Variants in ASTN2 observed in about 807,000 individuals in gnomAD.
ASTN2 encodes astrotactin-2.
In ASTN2, 54 loss-of-function variants were observed where a neutral mutation model predicts 139.8. The observed-to-expected ratio is 0.39, with a 90% CI of 0.31 to 0.48. The LOEUF (loss-of-function observed/expected upper bound fraction) is 0.48. ASTN2 is among the 20% of genes least tolerant of loss of function. The pLI, the probability that ASTN2 is intolerant of heterozygous loss-of-function variation, is 0.95. For missense variants in ASTN2, 1,565 were observed against 1,725.1 expected, an observed-to-expected ratio of 0.91 and a Z score of 1.64; for synonymous variants, 756 against 719.5, an observed-to-expected ratio of 1.05 and a Z score of -0.81.
At chr9:117,221,576 G>A (rs1029083717) in intron 2 of ASTN2, among the ~76,000 whole-genome samples, 13 of 152,146 alleles carry the variant, frequency 8.5e-5, no homozygotes, top group Non-Finnish European at 1.9e-4. Context: ...AAGAACACAG[G>A]CCTTTAATCC....
chr9:116,718,972 G>GTGTGTGTGTGTATATATATATATATATA (rs56991546), intron 16 of ASTN2, among the ~76,000 whole-genome samples: 13 of 100,044 alleles, frequency 1.3e-4, no homozygotes, highest in African/African-American at 5.0e-4. Context: ...ACCTGTATCT[G>GTGTGTGTGTGTATATATATATATATATA]TACATATATA....
intron 6 of ASTN2, among the ~76,000 whole-genome samples, chr9:117,032,478 G>A (rs776807162): frequency 1.3e-5 from 2 of 152,176 alleles, no homozygotes; most frequent in African/African-American, 4.8e-5. Context: ...TGATTTCATA[G>A]AGCAGGATGT....
chr9:116,474,277 T>A (rs1390157464), intron 20 of ASTN2, among the ~76,000 whole-genome samples: 1 of 152,212 alleles, frequency 6.6e-6, no homozygotes, highest in Non-Finnish European at 1.5e-5. Flanking sequence ...CTGCTCTGCC[T>A]GTCTGGGTGA....
intron 5 of ASTN2, among the ~76,000 whole-genome samples, chr9:117,082,629 C>G (rs1828458022): frequency 1.3e-5 from 2 of 152,146 alleles, no homozygotes; most frequent in South Asian, 4.1e-4. Context: ...TGGTGAAACC[C>G]CATCCCTACT....
chr9:117,121,220 A>G (rs1474514323), intron 4 of ASTN2, among the ~76,000 whole-genome samples: 2 of 152,222 alleles, frequency 1.3e-5, no homozygotes, highest in African/African-American at 4.8e-5. Flanking sequence ...AGAGTATCAC[A>G]TTGGTCTATT....
chr9:116,638,262 A>T (rs1310183130), intron 17 of ASTN2, among the ~76,000 whole-genome samples: 1 of 152,188 alleles, frequency 6.6e-6, no homozygotes, highest in Non-Finnish European at 1.5e-5. Flanking sequence ...ACCAGCACAA[A>T]ACTAAACATG....
intron 20 of ASTN2, among the ~76,000 whole-genome samples, chr9:116,483,082 G>A (rs1176389799): frequency 6.6e-6 from 1 of 152,220 alleles, no homozygotes; most frequent in Non-Finnish European, 1.5e-5. Flanking sequence ...CAGGGACCAT[G>A]GATGCCCAGC....
chr9:117,291,240 G>A (rs1023190779), intron 2 of ASTN2, 86 bp downstream of exon 2: 1 of 1,505,962 alleles, frequency 6.6e-7, no homozygotes, highest in African/African-American at 1.4e-5. Flanking sequence ...CCTTCCATCT[G>A]TGGACAATCC....
intron 2 of ASTN2, among the ~76,000 whole-genome samples, chr9:117,243,350 T>C (rs1833271876): frequency 6.6e-6 from 1 of 152,248 alleles, no homozygotes; most frequent in Non-Finnish European, 1.5e-5. Flanking sequence ...AAACTGAGTA[T>C]CAAACAGGTT....
chr9:117,002,112 C>T (rs555015860), intron 7 of ASTN2, among the ~76,000 whole-genome samples: 28 of 152,264 alleles, frequency 1.8e-4, no homozygotes, highest in South Asian at 1.7e-3. Flanking sequence ...CCTTGAGTGA[C>T]TTAGAGCAAG....
At chr9:116,458,019 TA>T (rs954316127) in intron 20 of ASTN2, among the ~76,000 whole-genome samples, 2 of 151,266 alleles carry the variant, frequency 1.3e-5, no homozygotes, top group Non-Finnish European at 3.0e-5. Flanking sequence ...ATTCAGCCAT[TA>T]AAAAAAATGA....
chr9:116,551,809 T>C (rs1441489591), intron 19 of ASTN2, among the ~76,000 whole-genome samples: 1 of 152,056 alleles, frequency 6.6e-6, no homozygotes, highest in Non-Finnish European at 1.5e-5. Context: ...GAAAAGACAG[T>C]ATGAGAGGGT....
At chr9:116,563,373 T>A (rs911292096) in intron 19 of ASTN2, among the ~76,000 whole-genome samples, 1 of 131,252 alleles carries the variant, frequency 7.6e-6, no homozygotes, top group East Asian at 2.2e-4. Flanking sequence ...AGACTCTGTC[T>A]CAAAAAAATA....
chr9:116,884,915 A>G (rs551411499), intron 10 of ASTN2, among the ~76,000 whole-genome samples: 21 of 149,426 alleles, frequency 1.4e-4, no homozygotes, highest in African/African-American at 4.9e-4. Flanking sequence ...TCCTGGGTTC[A>G]TGCCATTCTC....
At chr9:116,531,070 T>C (rs910468208) in intron 19 of ASTN2, among the ~76,000 whole-genome samples, 1 of 152,222 alleles carries the variant, frequency 6.6e-6, no homozygotes, top group African/African-American at 2.4e-5. Flanking sequence ...TATGTATTAA[T>C]GTAAGCTGAG....
At chr9:117,209,129 G>A (rs1320357454) in intron 3 of ASTN2, among the ~76,000 whole-genome samples, 3 of 152,028 alleles carry the variant, frequency 2.0e-5, no homozygotes, top group Non-Finnish European at 4.4e-5. Context: ...AATAATAAGA[G>A]AGAAAGTAAG....
chr9:116,632,252 G>GGAAGGAAAGAAAGAAAGAAAGAAA (rs1554723352), intron 17 of ASTN2, among the ~76,000 whole-genome samples: 10 of 70,924 alleles, frequency 1.4e-4, no homozygotes, highest in Middle Eastern at 6.6e-3. Flanking sequence ...AAAGAAAGAA[G>GGAAGGAAAGAAAGAAAGAAAGAAA]GAAAGAAAGA....
intron 13 of ASTN2, among the ~76,000 whole-genome samples, chr9:116,751,423 T>C (rs1829399311): frequency 6.6e-6 from 1 of 152,180 alleles, no homozygotes; most frequent in African/African-American, 2.4e-5. Context: ...AGTCTCCTGA[T>C]ATGTAATGGG....
chr9:117,353,084 A>G (rs900737026), intron 1 of ASTN2, among the ~76,000 whole-genome samples: 2 of 152,210 alleles, frequency 1.3e-5, no homozygotes, highest in Admixed American at 1.3e-4. Context: ...TGTTGGAAAT[A>G]CATGGTGTTG....
Sources: gnomAD v4.1 joint callset for allele counts (sites outside exome capture counted in the v4.1 genomes callset) on GRCh38, gnomAD v4.1.1 for gene constraint, MANE v1.5 for transcripts, NCBI Gene and HGNC (gene_info 2026-07-23, HGNC 2026-07-21) for gene names.